Variants in ZNF385D observed in about 807,000 individuals in gnomAD.
ZNF385D encodes the protein zinc finger protein 659.
Under a neutral mutation model 35.8 loss-of-function variants are expected in ZNF385D, and 15 were observed. That is an observed-to-expected ratio of 0.42 (90% confidence interval 0.28 to 0.64). The LOEUF (loss-of-function observed/expected upper bound fraction) is 0.64. Among genes scored for constraint, ZNF385D ranks in the 30% least tolerant of loss-of-function variants. The pLI is 0.23. For missense variants in ZNF385D, 474 were observed against 494.6 expected (o/e 0.96, Z 0.39); for synonymous variants, 212 against 186.8 (o/e 1.13, Z -1.10).
chr3:22,280,674 T>C (rs996780093), intron 2 of ZNF385D, among the ~76,000 whole-genome samples: 23 of 152,046 alleles, frequency 1.5e-4, no homozygotes, highest in African/African-American at 5.6e-4. Context: ...ACTATAGTCT[T>C]ATATAGTTTG....
intron 3 of ZNF385D, among the ~76,000 whole-genome samples, chr3:21,905,944 G>T (rs909598059): frequency 3.3e-5 from 5 of 152,088 alleles, no homozygotes; most frequent in Admixed American, 6.6e-5. Flanking sequence ...CATGTAGCTG[G>T]AATTTATATG....
rs563982380 is a variant in ZNF385D, at chr3:22,185,624, C to T, written c.107-16589G>A. 2.0e-5 allele frequency among the ~76,000 whole-genome samples: 3 copies of T among 152,130 alleles called. No individual in the cohort carries two copies. The East Asian group carries it at 5.8e-4, about 29-fold the overall frequency. On this transcript the variant is annotated intron_variant, in intron 2 of 5. Coordinates refer to the ZNF385D transcript ENST00000494108. Reference sequence around the variant, plus strand: ...CTGGGATTACAGGCACCTGCCACCACACCCAGCTAATTTTTGTATTTTTAG... The same window carrying T: ...CTGGGATTACAGGCACCTGCCACCATACCCAGCTAATTTTTGTATTTTTAG...
At chr3:21,877,811 G>A (rs909640237) in intron 3 of ZNF385D, 9 of 152,060 alleles carry the variant, frequency 5.9e-5, no homozygotes, top group East Asian at 1.9e-4. Flanking sequence ...TGCTTGTAGA[G>A]ATATCTAATC....
intron 4 of ZNF385D, among the ~76,000 whole-genome samples, chr3:21,460,985 T>C (rs1339033678): frequency 1.3e-5 from 2 of 152,152 alleles, no homozygotes; most frequent in African/African-American, 4.8e-5. Context: ...TTCTTTACAA[T>C]CAGAGCGGAA....
chr3:21,696,590 T>A (rs1269831482), intron 1 of ZNF385D, among the ~76,000 whole-genome samples: 1 of 152,236 alleles, frequency 6.6e-6, no homozygotes, highest in South Asian at 2.1e-4. Flanking sequence ...CAATGAATAA[T>A]AGGCTTTCTG....
chr3:22,099,166 T>C lies in ZNF385D; in HGVS notation c.325+69651A>G, dbSNP rs577519063. Among the ~76,000 whole-genome samples the C allele has an allele frequency of 2.0e-5, 3 of 152,184 alleles. No homozygotes were observed. The South Asian group carries it at 6.2e-4, about 32-fold the overall frequency. On this transcript the variant is annotated intron_variant, in intron 3 of 5. Coordinates refer to the ZNF385D transcript ENST00000494108. ...ATCAATGTGACTATGTCAGTTGACA[T>C]GGAAAAATGCTCATAATGAAGTTTT... is the stretch of plus-strand genomic sequence containing the variant.
intron 3 of ZNF385D, among the ~76,000 whole-genome samples, chr3:22,131,471 G>C (rs1402431073): frequency 6.6e-6 from 1 of 151,966 alleles, no homozygotes. Context: ...ATGAAGTGAA[G>C]AGAATATTTT....
chr3:21,925,918 C>T (rs1700703433), intron 3 of ZNF385D, among the ~76,000 whole-genome samples: 2 of 152,048 alleles, frequency 1.3e-5, no homozygotes, highest in East Asian at 1.9e-4. Context: ...CAAATTAATA[C>T]CACACTGAGC....
chr3:21,693,449 T>C (rs893832461), intron 1 of ZNF385D, among the ~76,000 whole-genome samples: 3 of 152,164 alleles, frequency 2.0e-5, no homozygotes, highest in Admixed American at 1.3e-4. Context: ...GTATAGACCC[T>C]TGTCTCAGGC....
chr3:21,903,823 T>G (rs758064310), intron 3 of ZNF385D, among the ~76,000 whole-genome samples: 6 of 152,126 alleles, frequency 3.9e-5, no homozygotes, highest in Non-Finnish European at 5.9e-5. Context: ...AGAAAGACTT[T>G]CCTGTGAGAA....
At chr3:22,008,363 T>A (rs1406251585) in intron 3 of ZNF385D, among the ~76,000 whole-genome samples, 1 of 147,212 alleles carries the variant, frequency 6.8e-6, no homozygotes, top group Admixed American at 6.7e-5. Flanking sequence ...TGATTTTCTT[T>A]TTTTTTTTTG....
chr3:21,641,861 C>T (rs1007016811), intron 2 of ZNF385D, among the ~76,000 whole-genome samples: 1 of 151,958 alleles, frequency 6.6e-6, no homozygotes, highest in African/African-American at 2.4e-5. Flanking sequence ...TAACTAAGGG[C>T]ATTCTAAAAT....
At chr3:22,230,855 G>A (rs1698846712) in intron 2 of ZNF385D, among the ~76,000 whole-genome samples, 1 of 152,116 alleles carries the variant, frequency 6.6e-6, no homozygotes, top group African/African-American at 2.4e-5. Context: ...AGAAGCAGAG[G>A]AAAAAGTGTG....
intron 3 of ZNF385D, among the ~76,000 whole-genome samples, chr3:21,519,977 G>T (rs1384786457): frequency 6.6e-6 from 1 of 152,208 alleles, no homozygotes; most frequent in Non-Finnish European, 1.5e-5. Context: ...AATAAAATGT[G>T]CGTCTCCTCT....
intron 3 of ZNF385D, among the ~76,000 whole-genome samples, chr3:21,803,247 A>C (rs187262578): frequency 6.6e-6 from 1 of 152,254 alleles, no homozygotes. Flanking sequence ...CAAAGCACAA[A>C]AGATAAAGGA....
At chr3:21,687,099 G>C (rs528874067) in intron 1 of ZNF385D, among the ~76,000 whole-genome samples, 1 of 152,178 alleles carries the variant, frequency 6.6e-6, no homozygotes, top group Non-Finnish European at 1.5e-5. Flanking sequence ...CAATAGGTAA[G>C]GAAGCCAGAC....
intron 2 of ZNF385D, among the ~76,000 whole-genome samples, chr3:22,347,779 A>C (rs1055860210): frequency 3.9e-5 from 6 of 152,286 alleles, no homozygotes; most frequent in African/African-American, 1.4e-4. Context: ...TCCTAAAACC[A>C]CATTTATACA....
At chr3:21,511,576 C>A in intron 3 of ZNF385D, 2 of 409,066 alleles carry the variant, frequency 4.9e-6, no homozygotes, top group South Asian at 3.5e-5. Context: ...TCAAATGGAG[C>A]ACACAGAAGC....
At chr3:21,796,793 T>C (rs2072172712) in intron 3 of ZNF385D, among the ~76,000 whole-genome samples, 1 of 152,134 alleles carries the variant, frequency 6.6e-6, no homozygotes, top group African/African-American at 2.4e-5. Context: ...CAGAGCTAGA[T>C]TTGAACCCAG....
Sources: allele counts gnomAD v4.1 joint callset (sites outside exome capture counted in the v4.1 genomes callset), GRCh38; gene constraint gnomAD v4.1.1; transcripts MANE v1.5; gene names NCBI Gene and HGNC (gene_info 2026-07-23, HGNC 2026-07-21).